The following RAI14 variants were observed in gnomAD, a reference collection of about 807,000 sequenced individuals.
RAI14 encodes the protein ankycorbin.
In RAI14, 45 loss-of-function variants were observed where a neutral mutation model predicts 115.4. The observed-to-expected ratio is 0.39, with a 90% confidence interval of 0.31 to 0.50. The LOEUF (loss-of-function observed/expected upper bound fraction) is 0.50, where lower values mean the gene tolerates loss of function less well. RAI14 is among the 20% of genes least tolerant of loss of function. RAI14 has a pLI of 0.85. For missense variants in RAI14, 939 were observed against 1,131.2 expected (o/e 0.83, Z 2.44); for synonymous variants, 371 against 415.4 (o/e 0.89, Z 1.30).
chr5:34,813,102 A>G (rs1393904772), intron 10 of RAI14, among the ~76,000 whole-genome samples: 1 of 152,254 alleles, frequency 6.6e-6, no homozygotes, highest in Non-Finnish European at 1.5e-5. Flanking sequence ...AATCATAAAC[A>G]GCAAATACTC....
chr5:34,820,137 TAAAG>T (rs903032425), intron 13 of RAI14, among the ~76,000 whole-genome samples: 1 of 152,242 alleles, frequency 6.6e-6, no homozygotes, highest in African/African-American at 2.4e-5. Context: ...AGGATTTCTA[TAAAG>T]AAAGGTCATT....
At chr5:34,733,263 A>G (rs1744423215) in intron 2 of RAI14, 1 of 152,304 alleles carries the variant, frequency 6.6e-6, no homozygotes, top group Middle Eastern at 3.4e-3. Flanking sequence ...GGCCTGTCCA[A>G]TGCATAGAAG....
chr5:34,675,097 A>G (rs540213045), intron 1 of RAI14, among the ~76,000 whole-genome samples: 1 of 152,042 alleles, frequency 6.6e-6, no homozygotes, highest in South Asian at 2.1e-4. Flanking sequence ...GGGTTTCACC[A>G]TGTTGGCCAG....
In RAI14 at chr5:34,688,662, G is replaced by T. The variant is rs115510297; in HGVS notation, c.36+1707G>T. 2.4e-3 allele frequency among the ~76,000 whole-genome samples: 372 copies of T among 152,214 alleles called. 7 individuals are homozygous for T. The highest frequency in any genetic ancestry group is 8.5e-3 in the African/African-American group (353 of 41,528). Reference sequence around the variant, plus strand: ...AGCAGACCTGGGGGAGGAGAGCCTGGGGAGGAGGAAATTGGTATAATGGAG... The same window carrying T: ...AGCAGACCTGGGGGAGGAGAGCCTGTGGAGGAGGAAATTGGTATAATGGAG... On this transcript the variant is annotated intron_variant, in intron 2 of 17. Coordinates refer to ENST00000265109, the MANE Select transcript of RAI14 (RefSeq NM_015577.3).
chr5:34,790,745 G>GGT (rs964604251), intron 3 of RAI14, among the ~76,000 whole-genome samples: 7 of 142,268 alleles, frequency 4.9e-5, no homozygotes, highest in Admixed American at 1.4e-4. Flanking sequence ...TGTGTATATG[G>GGT]GTGTGTGTGT....
intron 1 of RAI14, among the ~76,000 whole-genome samples, chr5:34,663,562 C>T (rs572888227): frequency 2.5e-4 from 38 of 152,192 alleles, no homozygotes; most frequent in African/African-American, 7.9e-4. Context: ...CTGACTTAAC[C>T]ATGTGTTTAA....
chr5:34,804,926 T>A (rs1417354156), intron 5 of RAI14, among the ~76,000 whole-genome samples: 1 of 152,220 alleles, frequency 6.6e-6, no homozygotes, highest in Non-Finnish European at 1.5e-5. Flanking sequence ...GGCTTGGCTA[T>A]CCAGACTTTG....
intron 3 of RAI14, among the ~76,000 whole-genome samples, chr5:34,790,220 G>A (rs1389431484): frequency 3.3e-5 from 5 of 152,200 alleles, no homozygotes; most frequent in African/African-American, 1.2e-4. Context: ...ATTTCTAGGA[G>A]CTTCCTTTCT....
intron 2 of RAI14, among the ~76,000 whole-genome samples, chr5:34,721,291 G>GTATATA (rs10538679): frequency 0.011 from 1,396 of 130,996 alleles, 12 homozygotes; most frequent in East Asian, 0.058. Flanking sequence ...ATGTAGATGT[G>GTATATA]TATATATATA....
At chr5:34,662,492 G>T (rs1421752295) in intron 1 of RAI14, among the ~76,000 whole-genome samples, 1 of 152,028 alleles carries the variant, frequency 6.6e-6, no homozygotes, top group African/African-American at 2.4e-5. Flanking sequence ...AAGGAGTCTA[G>T]ATTTTTTTTC....
chr5:34,726,461 A>G (rs1465653306), intron 2 of RAI14, among the ~76,000 whole-genome samples: 3 of 152,138 alleles, frequency 2.0e-5, no homozygotes, highest in Non-Finnish European at 4.4e-5. Context: ...CGCACTCACT[A>G]TCACAAGAAC....
At chr5:34,732,628 G>A (rs9637782) in intron 2 of RAI14, among the ~76,000 whole-genome samples, 26,588 of 151,056 alleles carry the variant, frequency 0.18, 2,564 homozygotes, top group Non-Finnish European at 0.21. Context: ...TAGTAGAGAT[G>A]GGGTTTTGCC....
intron 2 of RAI14, among the ~76,000 whole-genome samples, chr5:34,719,832 A>G (rs1429365820): frequency 3.3e-5 from 5 of 152,188 alleles, no homozygotes; most frequent in African/African-American, 7.2e-5. Flanking sequence ...CCAAGGGCTG[A>G]CTTTCTTTCC....
At chr5:34,817,121 C>A (rs1240696059) in intron 12 of RAI14, among the ~76,000 whole-genome samples, 1 of 151,240 alleles carries the variant, frequency 6.6e-6, no homozygotes, top group African/African-American at 2.4e-5. Flanking sequence ...ACTAAAAATA[C>A]AAAAAATTAG....
chr5:34,705,533 A>G (rs1740606489), intron 2 of RAI14, among the ~76,000 whole-genome samples: 1 of 152,184 alleles, frequency 6.6e-6, no homozygotes, highest in African/African-American at 2.4e-5. Flanking sequence ...GTGGAATGAT[A>G]CTGGTTACAT....
chr5:34,689,259 G>A (rs138694015), intron 2 of RAI14, among the ~76,000 whole-genome samples: 342 of 152,150 alleles, frequency 2.2e-3, no homozygotes, highest in Non-Finnish European at 3.1e-3. Context: ...TAAAAAATTA[G>A]CCGCCTATGG....
intron 3 of RAI14, among the ~76,000 whole-genome samples, chr5:34,765,886 G>A (rs1371245118): frequency 6.6e-6 from 1 of 152,208 alleles, no homozygotes; most frequent in East Asian, 1.9e-4. Flanking sequence ...CCTGTGCTGT[G>A]TGCACCCTAA....
chr5:34,786,619 C>G (rs1752332976), intron 3 of RAI14, among the ~76,000 whole-genome samples: 1 of 152,162 alleles, frequency 6.6e-6, no homozygotes, highest in East Asian at 1.9e-4. Context: ...TCCGAGCTCC[C>G]CTTCCTACTC....
chr5:34,812,647 A>G (rs1439035158), intron 10 of RAI14, among the ~76,000 whole-genome samples: 1 of 151,384 alleles, frequency 6.6e-6, no homozygotes, highest in African/African-American at 2.4e-5. Context: ...CCTGGGCAAC[A>G]AGAGTGAAAC....
Sources: allele counts gnomAD v4.1 joint callset (sites outside exome capture counted in the v4.1 genomes callset), GRCh38; gene constraint gnomAD v4.1.1; transcripts MANE v1.5; gene names NCBI Gene and HGNC (gene_info 2026-07-23, HGNC 2026-07-21).